Variants in CTNNB1 observed in about 807,000 individuals in gnomAD.
The protein encoded by CTNNB1 is catenin beta-1.
CTNNB1 carries 6 observed loss-of-function variants against 82.5 expected under a neutral mutation model. The ratio of observed to expected loss-of-function variants is 0.07; its 90% CI spans 0.04 to 0.14. The LOEUF (loss-of-function observed/expected upper bound fraction) is 0.14, where lower values mean the gene tolerates loss of function less well. Ranked by LOEUF, CTNNB1 falls within the 10% of genes least tolerant of loss-of-function variation. CTNNB1 has a pLI of 1.00. For synonymous variants in CTNNB1, 312 were observed against 329.7 expected (o/e 0.95, Z 0.58); for missense variants, 529 against 980.4 (o/e 0.54, Z 6.15).
chr3:41,238,197 A>G (rs1305609939), intron 14 of CTNNB1, 121 bp downstream of exon 14: 6 of 853,834 alleles, frequency 7.0e-6, no homozygotes, highest in Non-Finnish European at 1.0e-5. Context: ...GGCTTCAATT[A>G]AAAGCAGTTC....
rs1014701069 is a variant in CTNNB1, at chr3:41,239,128, T to C, written c.2138-6T>C. Reference sequence around the variant, plus strand: ...GCCTATTTTGTTGACACCCTGACTCTTCTAGATCCTAGCTATCGTTCTTTT... The same window carrying C: ...GCCTATTTTGTTGACACCCTGACTCCTCTAGATCCTAGCTATCGTTCTTTT... On this transcript the variant is annotated splice_region_variant and splice_polypyrimidine_tract_variant and intron_variant, in intron 14 of 14. Transcript: ENST00000349496. 6.8e-6 allele frequency: 11 copies of C among 1,613,268 alleles called. No individual in the cohort carries two copies. In the African/African-American group the frequency reaches 1.2e-4, roughly 18 times the overall value.
chr3:41,215,402 A>AAAAAC (rs1553628327), intron 1 of CTNNB1, among the ~76,000 whole-genome samples: 8 of 148,904 alleles, frequency 5.4e-5, no homozygotes, highest in African/African-American at 2.0e-4. Flanking sequence ...AAAAAAAAAA[A>AAAAAC]AACACTCTTA....
At chr3:41,202,604 C>T (rs950687203) in intron 1 of CTNNB1, among the ~76,000 whole-genome samples, 2 of 152,134 alleles carry the variant, frequency 1.3e-5, no homozygotes, top group African/African-American at 2.4e-5. Context: ...GCCATTGCCT[C>T]CTTGTACTCT....
rs2125621644 is a variant in CTNNB1, at chr3:41,225,264, G to A, written c.495+57G>A. 1 of 1,613,876 alleles carries A rather than the reference G, an allele frequency of 6.2e-7. No individual in the cohort carries two copies. The highest frequency in any genetic ancestry group is 8.5e-7 in the Non-Finnish European group (1 of 1,179,836). Reference sequence around the variant, plus strand: ...GCTTTGAAGTAAATGCTCAAGGGGAGTAGTTTCAGAATGTCTACCCAATAC... The same window carrying A: ...GCTTTGAAGTAAATGCTCAAGGGGAATAGTTTCAGAATGTCTACCCAATAC... On this transcript the variant is annotated intron_variant, in intron 4 of 14. Transcript: ENST00000349496. This position sits in a 1 kb window ranked among gnomAD's most constrained non-coding sequence, Gnocchi z 5.3.
chr3:41,199,688 T>G lies in CTNNB1; in HGVS notation c.-49+18T>G, dbSNP rs1415844760. The G allele has an allele frequency of 2.6e-5, 4 of 151,820 alleles. No individual in the cohort carries two copies. The highest frequency in any genetic ancestry group is 9.7e-5 in the African/African-American group (4 of 41,288). The allele number at this position is 151,820 out of a possible 1,614,324, so 9.4% of individuals were successfully genotyped here. ...CCCCTGAGGTGCTTGGGCGCTCCTT[T>G]CCTTATCCTTCCGGGGCTGCTCCCG... On this transcript the variant is annotated intron_variant, in intron 1 of 14. Transcript: ENST00000349496.
At chr3:41,209,487 C>G (rs970614545) in intron 1 of CTNNB1, among the ~76,000 whole-genome samples, 1 of 152,228 alleles carries the variant, frequency 6.6e-6, no homozygotes, top group African/African-American at 2.4e-5. Context: ...TACCACGTAT[C>G]TGAATTCTCT....
Position 41,224,523 on chromosome 3 carries a change from T to C in CTNNB1, c.14-3T>C, listed in dbSNP as rs1304687401. The C allele has an allele frequency of 1.2e-6, 2 of 1,613,224 alleles. No homozygotes were observed. Among genetic ancestry groups the C allele is most frequent in the African/African-American group, 2.7e-5 (2 of 74,904 alleles). On this transcript the variant is annotated splice_region_variant and splice_polypyrimidine_tract_variant and intron_variant, in intron 2 of 14. Coordinates refer to ENST00000349496, the MANE Select transcript of CTNNB1 (RefSeq NM_001904.4). The stretch of plus-strand genomic sequence containing the variant: ...TAATGCTAATACTGTTTCGTATTTA[T>C]AGCTGATTTGATGGAGTTGGACATG...
chr3:41,206,205 G>A (rs762256459), intron 1 of CTNNB1, among the ~76,000 whole-genome samples: 1 of 152,080 alleles, frequency 6.6e-6, no homozygotes, highest in Non-Finnish European at 1.5e-5. Flanking sequence ...ATGTTAAACC[G>A]TTTAAAACTT....
intron 1 of CTNNB1, among the ~76,000 whole-genome samples, chr3:41,214,101 G>T (rs890756984): frequency 4.6e-5 from 7 of 152,150 alleles, no homozygotes; most frequent in African/African-American, 1.7e-4. Flanking sequence ...TCCAGTCAGG[G>T]TTTTTTCTTC....
intron 1 of CTNNB1, among the ~76,000 whole-genome samples, chr3:41,216,896 C>T (rs962022087): frequency 3.3e-5 from 5 of 152,040 alleles, no homozygotes; most frequent in South Asian, 2.1e-4. Flanking sequence ...CACCATCCCC[C>T]GCTCACCTGG....
chr3:41,237,901 T>C (rs1276208365), intron 13 of CTNNB1, 115 bp from the exon 14 acceptor site: 2 of 838,872 alleles, frequency 2.4e-6, no homozygotes, highest in Non-Finnish European at 4.2e-6. Flanking sequence ...TTGTGTAATG[T>C]TGGAGTTACT....
At chr3:41,236,219 T>C (rs1489121668) in intron 11 of CTNNB1, 130 bp from the exon 12 acceptor site, 2 of 1,127,046 alleles carry the variant, frequency 1.8e-6, no homozygotes, top group Non-Finnish European at 2.7e-6. Flanking sequence ...GACATAAAAT[T>C]CAGAGAATAT....
intron 1 of CTNNB1, among the ~76,000 whole-genome samples, chr3:41,214,679 T>C (rs1194774061): frequency 6.6e-6 from 1 of 152,190 alleles, no homozygotes; most frequent in African/African-American, 2.4e-5. Context: ...CCTGCCTTTG[T>C]TCTCAGTGAA....
chr3:41,239,086 C>CT, intron 14 of CTNNB1, 48 bp from the exon 15 acceptor site: 2 of 1,495,284 alleles, frequency 1.3e-6, no homozygotes, highest in African/African-American at 1.4e-5. Context: ...TCTCCTCTCT[C>CT]TTTTGCCTTC....
In CTNNB1 at chr3:41,225,621, C is replaced by G. The variant is rs374720804; in HGVS notation, c.735-39C>G. On this transcript the variant is annotated intron_variant, in intron 5 of 14. Coordinates refer to ENST00000349496, the MANE Select transcript of CTNNB1 (RefSeq NM_001904.4). This position sits in a 1 kb window ranked among gnomAD's most constrained non-coding sequence, Gnocchi z 5.3. ...TGAAGCTAAAAAGTAGAAGAGTATACTCACAATATTTCTGATGAGGCTTTT... is the reference window on the plus strand; with the variant it reads ...TGAAGCTAAAAAGTAGAAGAGTATAGTCACAATATTTCTGATGAGGCTTTT... 6.2e-7 allele frequency: 1 copy of G among 1,613,704 alleles called. No individual in the cohort carries two copies. Among genetic ancestry groups the G allele is most frequent in the Non-Finnish European group, 8.5e-7 (1 of 1,179,594 alleles).
Position 41,235,734 on chromosome 3 carries a change from G to A in CTNNB1, c.1694G>A (p.Arg565His), listed in dbSNP as rs760837728. ...GTQQQFVEGV[R>H]MEEIVEGCTG... is the part of the protein sequence containing the mutation. ...TGTTTCTTTTGGCAGGAGGGGGTCCGCATGGAAGAAATAGTTGAAGGTTGT... is the reference window on the plus strand; with the variant it reads ...TGTTTCTTTTGGCAGGAGGGGGTCCACATGGAAGAAATAGTTGAAGGTTGT... Residue 565 changes from arginine (R) to histidine (H), a missense_variant, in exon 11 of 15, where the codon CGC (arginine) becomes CAC (histidine). Arg to His is a conservative substitution (Grantham distance 29, BLOSUM62 0). Transcript: ENST00000349496. 1.3e-5 allele frequency: 21 copies of A among 1,613,936 alleles called. No individual in the cohort carries two copies. The highest frequency in any genetic ancestry group is 3.3e-5 in the Admixed American group (2 of 59,984).
At chr3:41,238,215 C>T in intron 14 of CTNNB1, 139 bp downstream of exon 14, 1 of 766,614 alleles carries the variant, frequency 1.3e-6, no homozygotes, top group Non-Finnish European at 2.3e-6. Context: ...TTCTTAAATT[C>T]CAGTCAGCAA....
rs1188746003 is a variant in CTNNB1 at position 41,204,143 on chromosome 3, TTATTTCAGGATGGATTAAA to T, written c.-49+4478_-49+4496del. On this transcript the variant is annotated intron_variant, in intron 1 of 14. Transcript: ENST00000349496. The stretch of plus-strand genomic sequence containing the variant: ...TGCCTCAAGTGCTTTATGTGAATGA[TTATTTCAGGATGGATTAAA>T]TATTCCTCCATCAAGGACCATACTT... 4.6e-5 allele frequency among the ~76,000 whole-genome samples: 7 copies of T among 152,088 alleles called. No individual in the cohort carries two copies. In the East Asian group the frequency reaches 1.4e-3, roughly 29 times the overall value.
chr3:41,222,144 C>G (rs2078064479), intron 1 of CTNNB1: 1 of 152,130 alleles, frequency 6.6e-6, no homozygotes, highest in African/African-American at 2.4e-5. Context: ...GAATTGGGCC[C>G]TTAATGGTTG....
Sources: gnomAD v4.1 joint callset for allele counts (sites outside exome capture counted in the v4.1 genomes callset) on GRCh38, gnomAD v4.1.1 for gene constraint, Gnocchi (gnomAD v3.1) non-coding constraint, MANE v1.5 for transcripts, NCBI Gene and HGNC (gene_info 2026-07-23, HGNC 2026-07-21) for gene names.